Variants in CNTN4 observed in about 807,000 individuals in gnomAD.
The protein encoded by CNTN4 is contactin 4.
In CNTN4, 77 loss-of-function variants were observed where a neutral mutation model predicts 122.5. The ratio of observed to expected loss-of-function variants is 0.63; its 90% CI spans 0.52 to 0.76. The LOEUF is 0.76. Ranked by LOEUF, CNTN4 falls within the 30% of genes least tolerant of loss-of-function variation. The pLI is 0.00. For missense variants in CNTN4, 1,256 were observed against 1,259.1 expected, an observed-to-expected ratio of 1.00 and a Z score of 0.04; for synonymous variants, 512 against 447.0, an observed-to-expected ratio of 1.15 and a Z score of -1.83.
intron 6 of CNTN4, among the ~76,000 whole-genome samples, chr3:2,767,641 A>T (rs1231411659): frequency 6.6e-6 from 1 of 152,208 alleles, no homozygotes; most frequent in Non-Finnish European, 1.5e-5. Flanking sequence ...TGCACAGCCG[A>T]TTAGAAAAAT....
Position 2,355,693 on chromosome 3 carries a change from G to T in CNTN4, c.-89+16460G>T, listed in dbSNP as rs140913068. Among the ~76,000 whole-genome samples the T allele has an allele frequency of 3.3e-5, 5 of 152,174 alleles. No homozygotes were observed. The East Asian group carries it at 7.7e-4, about 24-fold the overall frequency. ...TATTCAGTCGATACTGGCCATCCTAGCTCTAGACTAACATGACCCACTGGA... is the reference window on the plus strand; with the variant it reads ...TATTCAGTCGATACTGGCCATCCTATCTCTAGACTAACATGACCCACTGGA... On this transcript the variant is annotated intron_variant, in intron 3 of 24. Transcript: ENST00000418658.
intron 3 of CNTN4, among the ~76,000 whole-genome samples, chr3:2,522,949 A>T (rs1002915363): frequency 1.3e-5 from 2 of 152,116 alleles, no homozygotes; most frequent in African/African-American, 4.8e-5. Context: ...AAAAGTTTGC[A>T]TCTCATTTTG....
chr3:2,475,457 T>C (rs936711715), intron 3 of CNTN4, among the ~76,000 whole-genome samples: 12 of 152,196 alleles, frequency 7.9e-5, no homozygotes, highest in South Asian at 2.1e-4. Flanking sequence ...AGAAGAAACA[T>C]GTATTCACAG....
intron 14 of CNTN4, among the ~76,000 whole-genome samples, chr3:3,002,885 A>G (rs1247575109): frequency 6.6e-6 from 1 of 152,196 alleles, no homozygotes; most frequent in East Asian, 1.9e-4. Context: ...GGTTATGGTC[A>G]CTCAAGGAAA....
At chr3:2,863,530 C>T (rs1252842177) in intron 7 of CNTN4, among the ~76,000 whole-genome samples, 1 of 108,970 alleles carries the variant, frequency 9.2e-6, no homozygotes, top group Non-Finnish European at 2.0e-5. Context: ...AACTTTAATT[C>T]AATATTTGTT....
At chr3:2,255,062 A>C (rs1486186903) in intron 2 of CNTN4, among the ~76,000 whole-genome samples, 1 of 152,168 alleles carries the variant, frequency 6.6e-6, no homozygotes, top group Non-Finnish European at 1.5e-5. Flanking sequence ...TAATTTTTGT[A>C]TAAGGTGTAA....
rs182464588 is a variant in CNTN4 at position 2,450,752 on chromosome 3, T to A, written c.-89+111519T>A. ...TTGGCTTGGACCAAAGCCCCCACTT[T>A]GAATTAAGATAACTTGTCCCCAAGA... is the stretch of plus-strand genomic sequence containing the variant. On this transcript the variant is annotated intron_variant, in intron 3 of 24. Coordinates refer to ENST00000418658, the MANE Select transcript of CNTN4 (RefSeq NM_175607.3). Among the ~76,000 whole-genome samples the A allele has an allele frequency of 2.5e-3, 388 of 152,336 alleles. 1 individual carries two copies. Among genetic ancestry groups the A allele is most frequent in the Non-Finnish European group, 4.6e-3 (312 of 68,024 alleles).
intron 3 of CNTN4, among the ~76,000 whole-genome samples, chr3:2,445,848 G>T (rs2048605922): frequency 6.6e-6 from 1 of 152,068 alleles, no homozygotes; most frequent in African/African-American, 2.4e-5. Context: ...GACACTCCGG[G>T]ATGCTGCTAA....
chr3:2,980,889 C>T (rs1434954541), intron 13 of CNTN4, among the ~76,000 whole-genome samples: 1 of 152,020 alleles, frequency 6.6e-6, no homozygotes, highest in African/African-American at 2.4e-5. Context: ...GCTGGACCAC[C>T]CTAATATTAT....
chr3:3,019,621 A>G (rs1174883821), intron 14 of CNTN4, among the ~76,000 whole-genome samples: 1 of 151,892 alleles, frequency 6.6e-6, no homozygotes, highest in East Asian at 1.9e-4. Flanking sequence ...ACAAGGGTGT[A>G]AATGGTAAGA....
At chr3:2,993,390 C>T (rs745819091) in intron 14 of CNTN4, among the ~76,000 whole-genome samples, 5 of 151,230 alleles carry the variant, frequency 3.3e-5, no homozygotes, top group African/African-American at 4.9e-5. Flanking sequence ...CTTTGCCTCC[C>T]GGGCTCAAGC....
intron 13 of CNTN4, among the ~76,000 whole-genome samples, chr3:2,951,228 G>A (rs183957884): frequency 2.1e-4 from 32 of 152,276 alleles, no homozygotes; most frequent in Admixed American, 9.8e-4. Context: ...AACTGGTTTC[G>A]TGGAAGACAA....
At chr3:2,721,011 T>C (rs1174852448) in intron 4 of CNTN4, among the ~76,000 whole-genome samples, 1 of 152,028 alleles carries the variant, frequency 6.6e-6, no homozygotes, top group African/African-American at 2.4e-5. Flanking sequence ...CTTGCTCTGT[T>C]GACCAGGCTG....
intron 3 of CNTN4, among the ~76,000 whole-genome samples, chr3:2,466,970 C>CTTTCTTTTTTTTTTTTT (rs1392656721): frequency 4.3e-5 from 5 of 115,812 alleles, no homozygotes; most frequent in African/African-American, 1.3e-4. Flanking sequence ...TTCTTTCTTT[C>CTTTCTTTTTTTTTTTTT]TTTTTTTTTT....
intron 3 of CNTN4, among the ~76,000 whole-genome samples, chr3:2,380,539 G>C (rs1322823012): frequency 6.6e-6 from 1 of 152,096 alleles, no homozygotes; most frequent in Non-Finnish European, 1.5e-5. Context: ...ATTTTAATTG[G>C]TTTATCTGAA....
intron 2 of CNTN4, among the ~76,000 whole-genome samples, chr3:2,238,481 A>G (rs949014891): frequency 2.0e-5 from 3 of 151,858 alleles, no homozygotes; most frequent in Non-Finnish European, 4.4e-5. Flanking sequence ...AAAATTGTAG[A>G]TTTTTCAAAA....
At chr3:2,174,816 CAAAGCAGGAGCGGGCACATCACATGGCA>C (rs1015941253) in intron 2 of CNTN4, among the ~76,000 whole-genome samples, 3 of 152,112 alleles carry the variant, frequency 2.0e-5, no homozygotes, top group East Asian at 3.9e-4. Context: ...TGGCAGAAGG[CAAAGCAGGAGCGGGCACATCACATGGCA>C]AAAGCAGGAG....
intron 2 of CNTN4, among the ~76,000 whole-genome samples, chr3:2,167,761 A>T (rs565513369): frequency 6.6e-6 from 1 of 152,328 alleles, no homozygotes; most frequent in Non-Finnish European, 1.5e-5. Flanking sequence ...CTTTGTTTTC[A>T]CCCTGGCCCA....
chr3:2,942,551 G>A (rs540027924), intron 13 of CNTN4, among the ~76,000 whole-genome samples: 1 of 152,268 alleles, frequency 6.6e-6, no homozygotes, highest in South Asian at 2.1e-4. Flanking sequence ...CAAATCATGT[G>A]GTGATGGAGG....
Sources: allele counts gnomAD v4.1 joint callset (sites outside exome capture counted in the v4.1 genomes callset), GRCh38; gene constraint gnomAD v4.1.1; transcripts MANE v1.5; gene names NCBI Gene and HGNC (gene_info 2026-07-23, HGNC 2026-07-21).